The following STK39 variants were observed in gnomAD, a reference collection of about 807,000 sequenced individuals.
The protein encoded by STK39 is STE20/SPS1-related proline-alanine-rich protein kinase.
Under a neutral mutation model 77.8 loss-of-function variants are expected in STK39, and 20 were observed. The observed-to-expected ratio is 0.26, with a 90% confidence interval of 0.18 to 0.37. STK39 has a LOEUF of 0.37. Among genes scored for constraint, STK39 ranks in the 10% least tolerant of loss-of-function variants. The pLI is 1.00. For synonymous variants in STK39, 246 were observed against 234.1 expected (o/e 1.05, Z -0.47); for missense variants, 479 against 656.5 (o/e 0.73, Z 2.95).
intron 16 of STK39, among the ~76,000 whole-genome samples, chr2:167,998,863 T>C (rs979002717): frequency 2.6e-5 from 4 of 152,222 alleles, no homozygotes; most frequent in Admixed American, 1.3e-4. Flanking sequence ...TGGTTCCTAC[T>C]CACCTCAGTC....
chr2:168,113,951 A>G (rs1360100434), intron 10 of STK39, among the ~76,000 whole-genome samples: 1 of 152,248 alleles, frequency 6.6e-6, no homozygotes, highest in Non-Finnish European at 1.5e-5. Flanking sequence ...GATGTCATTT[A>G]TTACCAAAAA....
At chr2:168,155,174 A>C (rs79892518) in intron 5 of STK39, among the ~76,000 whole-genome samples, 1 of 152,282 alleles carries the variant, frequency 6.6e-6, no homozygotes, top group African/African-American at 2.4e-5. Flanking sequence ...GCAGGAGAGT[A>C]GAGCAAAGTG....
At chr2:168,143,587 G>A (rs554337063) in intron 5 of STK39, among the ~76,000 whole-genome samples, 14 of 152,210 alleles carry the variant, frequency 9.2e-5, no homozygotes, top group Admixed American at 2.0e-4. Context: ...GGTGGCACGC[G>A]CCTGTAGTCC....
At chr2:168,014,638 G>C (rs1684361263) in intron 15 of STK39, among the ~76,000 whole-genome samples, 1 of 152,094 alleles carries the variant, frequency 6.6e-6, no homozygotes, top group African/African-American at 2.4e-5. Context: ...GCATCTTCCT[G>C]GATGTTACCC....
At chr2:167,998,997 G>A (rs1182714576) in intron 16 of STK39, among the ~76,000 whole-genome samples, 3 of 152,200 alleles carry the variant, frequency 2.0e-5, no homozygotes, top group African/African-American at 7.2e-5. Context: ...TAACTACAAA[G>A]GGACCCAATC....
chr2:168,129,133 A>G (rs931808485), intron 10 of STK39, among the ~76,000 whole-genome samples: 4 of 152,258 alleles, frequency 2.6e-5, no homozygotes, highest in Non-Finnish European at 4.4e-5. Context: ...ATGCTATCTC[A>G]CAGCTATTCA....
chr2:168,214,801 G>A (rs1003567907), intron 1 of STK39, among the ~76,000 whole-genome samples: 5 of 152,134 alleles, frequency 3.3e-5, no homozygotes. Flanking sequence ...TTCTGAAAAA[G>A]GTCCTGCCCA....
intron 1 of STK39, among the ~76,000 whole-genome samples, chr2:168,239,926 G>A (rs1044802271): frequency 6.6e-6 from 1 of 152,268 alleles, no homozygotes; most frequent in African/African-American, 2.4e-5. Context: ...CAGGGTATGA[G>A]AAGAGAGGCC....
At chr2:168,212,270 G>A (rs573631698) in intron 1 of STK39, among the ~76,000 whole-genome samples, 6 of 152,312 alleles carry the variant, frequency 3.9e-5, no homozygotes, top group African/African-American at 7.2e-5. Context: ...GAGTGTTTGC[G>A]TAAGGAAGCT....
At chr2:168,020,457 G>A (rs1425802097) in intron 14 of STK39, among the ~76,000 whole-genome samples, 1 of 151,992 alleles carries the variant, frequency 6.6e-6, no homozygotes, top group East Asian at 1.9e-4. Flanking sequence ...AGTGAAAAAG[G>A]CAAGTAATTT....
chr2:168,138,487 T>C (rs1400759096), intron 7 of STK39, among the ~76,000 whole-genome samples: 1 of 152,236 alleles, frequency 6.6e-6, no homozygotes, highest in Non-Finnish European at 1.5e-5. Context: ...CAGAGCTTTC[T>C]GGGAACTGGC....
chr2:168,137,462 G>A (rs1687868973), intron 8 of STK39, among the ~76,000 whole-genome samples: 1 of 152,134 alleles, frequency 6.6e-6, no homozygotes, highest in Admixed American at 6.5e-5. Flanking sequence ...AAATTAAGAA[G>A]GAAGAAAAGG....
intron 17 of STK39, among the ~76,000 whole-genome samples, chr2:167,956,171 T>C (rs1691757369): frequency 6.6e-6 from 1 of 152,252 alleles, no homozygotes. Flanking sequence ...TTTGTTTATA[T>C]TTTCAGACAT....
At chr2:167,996,491 C>T (rs1038047905) in intron 16 of STK39, among the ~76,000 whole-genome samples, 2 of 152,200 alleles carry the variant, frequency 1.3e-5, no homozygotes, top group Non-Finnish European at 2.9e-5. Flanking sequence ...GGAGGATGCA[C>T]TAATGTGTCA....
At chr2:168,160,917 T>C (rs1205903976) in intron 5 of STK39, among the ~76,000 whole-genome samples, 6 of 127,898 alleles carry the variant, frequency 4.7e-5, no homozygotes, top group Non-Finnish European at 7.9e-5. Flanking sequence ...GCCTCCACGA[T>C]GAGGAGAGGC....
chr2:167,959,244 G>A (rs557866601), intron 17 of STK39, among the ~76,000 whole-genome samples: 1 of 151,672 alleles, frequency 6.6e-6, no homozygotes, highest in Admixed American at 6.6e-5. Context: ...TCAGCCTCTC[G>A]AGGAGCTGGG....
intron 1 of STK39, among the ~76,000 whole-genome samples, chr2:168,244,788 T>C (rs965323416): frequency 4.6e-5 from 7 of 152,182 alleles, no homozygotes; most frequent in Non-Finnish European, 1.0e-4. Context: ...AAACTTTAAA[T>C]GTAGAAAAGC....
chr2:168,039,690 T>C (rs1427445250), intron 14 of STK39, among the ~76,000 whole-genome samples: 2 of 152,024 alleles, frequency 1.3e-5, no homozygotes, highest in Non-Finnish European at 2.9e-5. Flanking sequence ...ACAAGGAAAC[T>C]TCTCAGGGAG....
rs1035903848 is a variant in STK39, at chr2:168,132,515, T to C, written c.975-2757A>G. ...CTCATCTCCCCACACCCGCCGGAGA[T>C]GCCACCCTTCAACTGCAACGATGTT... On this transcript the variant is annotated intron_variant, in intron 8 of 17. Coordinates refer to ENST00000355999, the MANE Select transcript of STK39 (RefSeq NM_013233.3). Among the ~76,000 whole-genome samples the C allele has an allele frequency of 5.3e-5, 8 of 152,200 alleles. No individual in the cohort carries two copies. In the East Asian group the frequency reaches 1.5e-3, roughly 29 times the overall value.
Sources: allele counts gnomAD v4.1 joint callset (sites outside exome capture counted in the v4.1 genomes callset), GRCh38; gene constraint gnomAD v4.1.1; transcripts MANE v1.5; gene names NCBI Gene and HGNC (gene_info 2026-07-23, HGNC 2026-07-21).